ETV1: variants seen among roughly 807,000 people sequenced by gnomAD.
ETV1 encodes the protein ETS variant transcription factor 1, also known as ETS translocation variant 1.
ETV1 carries 27 observed loss-of-function variants against 62.3 expected under a neutral mutation model. That is an observed-to-expected ratio of 0.43 (90% CI 0.32 to 0.60). The LOEUF (loss-of-function observed/expected upper bound fraction) is 0.60. ETV1 is among the 20% of genes least tolerant of loss of function. The probability of loss-of-function intolerance (pLI) is 0.06; values close to 1 mark genes in which losing one functional copy is unlikely to be tolerated. For missense variants in ETV1, 605 were observed against 605.8 expected (o/e 1.00, Z 0.01); for synonymous variants, 222 against 199.6 (o/e 1.11, Z -0.94).
In ETV1 at chr7:13,894,570, C is replaced by T; in HGVS notation, c.*1296G>A. ...CACAGTTTCCTTTAGCAAGCTGAAG[C>T]TTACTCTTCATTTGTCAATGTGCAT... On this transcript the variant is annotated 3_prime_UTR_variant, in exon 14 of 14. Coordinates refer to ENST00000430479, the MANE Select transcript of ETV1 (RefSeq NM_004956.5). 1 of 232,470 alleles carries T rather than the reference C, an allele frequency of 4.3e-6. No individual in the cohort carries two copies. Among genetic ancestry groups the T allele is most frequent in the Non-Finnish European group, 8.5e-6 (1 of 117,332 alleles). 14.4% of individuals were successfully genotyped at this position (232,470 alleles called of 1,614,324 possible).
At chr7:13,915,304 AAC>A (rs1469396898) in intron 9 of ETV1, among the ~76,000 whole-genome samples, 2 of 152,184 alleles carry the variant, frequency 1.3e-5, no homozygotes, top group Admixed American at 1.3e-4. Flanking sequence ...TGTGTATGTA[AAC>A]ACATATCTGA....
chr7:13,986,281 C>A, intron 5 of ETV1: 5 of 1,509,946 alleles, frequency 3.3e-6, no homozygotes, highest in Non-Finnish European at 4.4e-6. Flanking sequence ...AGCAAGCCAG[C>A]CGGGTTCTGG....
At chr7:13,947,168 A>G (rs891928704) in intron 6 of ETV1, among the ~76,000 whole-genome samples, 7 of 152,214 alleles carry the variant, frequency 4.6e-5, no homozygotes, top group African/African-American at 1.4e-4. Context: ...TTGAAAACAG[A>G]TAATGTTTGT....
chr7:13,908,914 C>G (rs935239637), intron 11 of ETV1, among the ~76,000 whole-genome samples: 3 of 151,964 alleles, frequency 2.0e-5, no homozygotes, highest in African/African-American at 7.3e-5. Flanking sequence ...TCTGAAGAAC[C>G]ACTAAATCAA....
Position 13,893,195 on chromosome 7 carries a change from A to G in ETV1, c.*2671T>C, listed in dbSNP as rs1269792995. On this transcript the variant is annotated 3_prime_UTR_variant, in exon 14 of 14. Coordinates refer to ENST00000430479, the MANE Select transcript of ETV1 (RefSeq NM_004956.5). ...CAGCAGTGAAGATAAAAGCTGAGAG[A>G]AGACATTACATCATTAACAAATGAT... is the stretch of plus-strand genomic sequence containing the variant. 4.3e-6 allele frequency: 1 copy of G among 232,408 alleles called. No individual in the cohort carries two copies. Among genetic ancestry groups the G allele is most frequent in the Non-Finnish European group, 8.5e-6 (1 of 117,652 alleles). 14.4% of individuals were successfully genotyped at this position (232,408 alleles called of 1,614,324 possible).
intron 13 of ETV1, 91 bp downstream of exon 13, chr7:13,900,647 C>A: frequency 1.1e-6 from 1 of 900,240 alleles, no homozygotes. Flanking sequence ...AAACTCGCTT[C>A]AGCAATGCAA....
At chr7:13,975,343 G>A (rs1020011793) in intron 6 of ETV1, among the ~76,000 whole-genome samples, 9 of 152,086 alleles carry the variant, frequency 5.9e-5, no homozygotes, top group East Asian at 1.9e-4. Context: ...TCAGGAGATC[G>A]AGACCATCCT....
At position 13,989,145 on chromosome 7, in the gene ETV1, G is replaced by T. The variant is rs1276116758; in HGVS notation, c.-87-6C>A. ...GGATCTGGACTTCTATCAACCTAGA[G>T]GGGAACAAGATGGCTTTTAGGCTTA... On this transcript the variant is annotated splice_region_variant and splice_polypyrimidine_tract_variant and intron_variant, in intron 2 of 13. Transcript: ENST00000430479. 3.6e-6 allele frequency: 4 copies of T among 1,111,262 alleles called. No homozygotes were observed. Among genetic ancestry groups the T allele is most frequent in the Non-Finnish European group, 5.2e-6 (4 of 765,062 alleles). The allele number at this position is 1,111,262 out of a possible 1,614,324, so 68.8% of individuals were successfully genotyped here.
At chr7:13,979,951 A>G (rs1168863482) in intron 5 of ETV1, among the ~76,000 whole-genome samples, 1 of 152,152 alleles carries the variant, frequency 6.6e-6, no homozygotes, top group Non-Finnish European at 1.5e-5. Context: ...TGTGAGGAAA[A>G]AAGGGCCAAA....
chr7:13,919,001 T>G (rs1016978000), intron 9 of ETV1, among the ~76,000 whole-genome samples: 16 of 152,166 alleles, frequency 1.1e-4, no homozygotes, highest in African/African-American at 3.9e-4. Context: ...TACTTTAAAT[T>G]ATTAGAAATA....
chr7:13,965,404 A>G (rs1583826524), intron 6 of ETV1, among the ~76,000 whole-genome samples: 1 of 152,208 alleles, frequency 6.6e-6, no homozygotes, highest in African/African-American at 2.4e-5. Flanking sequence ...CTTGATGAGA[A>G]TAATTTTCAA....
intron 6 of ETV1, among the ~76,000 whole-genome samples, chr7:13,957,244 C>T (rs956344776): frequency 2.0e-5 from 3 of 151,942 alleles, no homozygotes; most frequent in African/African-American, 7.3e-5. Flanking sequence ...CGCCACCATG[C>T]CCAGCTAATT....
intron 6 of ETV1, among the ~76,000 whole-genome samples, chr7:13,947,850 A>T (rs1310463836): frequency 1.3e-5 from 2 of 152,200 alleles, no homozygotes; most frequent in Non-Finnish European, 2.9e-5. Flanking sequence ...GATAAATAGT[A>T]AGACACAGTC....
At chr7:13,977,092 G>T in intron 6 of ETV1, among the ~76,000 whole-genome samples, 1 of 152,120 alleles carries the variant, frequency 6.6e-6, no homozygotes, top group East Asian at 1.9e-4. Context: ...TTGGCAAACT[G>T]GAAGTAAACA....
Position 13,989,641 on chromosome 7 carries a change from C to A in ETV1, c.-363G>T. ...AAACATTAATTATAGCCCAGCACTT[C>A]CCCCTTGGAAGCCGAAAGCGCCTCT... is the stretch of plus-strand genomic sequence containing the variant. On this transcript the variant is annotated 5_prime_UTR_variant, in exon 1 of 14. Coordinates refer to ENST00000430479, the MANE Select transcript of ETV1 (RefSeq NM_004956.5). 1 of 399,070 alleles carries A rather than the reference C, an allele frequency of 2.5e-6. No individual in the cohort carries two copies. The highest frequency in any genetic ancestry group is 4.4e-6 in the Non-Finnish European group (1 of 226,110). The allele number at this position is 399,070 out of a possible 1,614,324, so 24.7% of individuals were successfully genotyped here.
chr7:13,937,616 C>T (rs1379862444), intron 7 of ETV1, among the ~76,000 whole-genome samples: 1 of 152,208 alleles, frequency 6.6e-6, no homozygotes, highest in African/African-American at 2.4e-5. Context: ...AATTCTATAT[C>T]TAACTGCCAT....
At chr7:13,943,509 C>A (rs1208960902) in intron 6 of ETV1, among the ~76,000 whole-genome samples, 2 of 152,130 alleles carry the variant, frequency 1.3e-5, no homozygotes, top group Non-Finnish European at 2.9e-5. Context: ...CATTAATACA[C>A]CCTTAGGATA....
chr7:13,908,154 T>C (rs1783171579), intron 11 of ETV1, among the ~76,000 whole-genome samples: 1 of 152,156 alleles, frequency 6.6e-6, no homozygotes, highest in African/African-American at 2.4e-5. Flanking sequence ...TCTTTCTTCT[T>C]GTTCTACATT....
At chr7:13,981,011 A>C (rs1197582549) in intron 5 of ETV1, among the ~76,000 whole-genome samples, 2 of 152,132 alleles carry the variant, frequency 1.3e-5, no homozygotes, top group Non-Finnish European at 2.9e-5. Context: ...CTTAAGAAAA[A>C]GTAAGCGATG....
Sources: allele counts gnomAD v4.1 joint callset (sites outside exome capture counted in the v4.1 genomes callset), GRCh38; gene constraint gnomAD v4.1.1; transcripts MANE v1.5; gene names NCBI Gene and HGNC (gene_info 2026-07-23, HGNC 2026-07-21).